The following TNR variants were observed in gnomAD, a reference collection of about 807,000 sequenced individuals.
TNR encodes the protein tenascin-R.
A neutral mutation model predicts 150.4 loss-of-function variants in TNR; 45 were observed. The observed-to-expected ratio is 0.30, with a 90% CI of 0.24 to 0.38. The LOEUF (loss-of-function observed/expected upper bound fraction) is 0.38. Among genes scored for constraint, TNR ranks in the 10% least tolerant of loss-of-function variants. TNR has a pLI of 1.00. For missense variants in TNR, 1,544 were observed against 1,759.1 expected, an observed-to-expected ratio of 0.88 and a Z score of 2.19; for synonymous variants, 687 against 678.4, an observed-to-expected ratio of 1.01 and a Z score of -0.20.
intron 1 of TNR, among the ~76,000 whole-genome samples, chr1:175,551,076 G>T (rs1484943775): frequency 6.6e-6 from 1 of 152,260 alleles, no homozygotes; most frequent in Admixed American, 6.5e-5. Context: ...AAAGAAAATG[G>T]TTGAGTGAAA....
intron 1 of TNR, among the ~76,000 whole-genome samples, chr1:175,636,097 T>C (rs572634131): frequency 1.3e-5 from 2 of 152,150 alleles, no homozygotes; most frequent in Non-Finnish European, 2.9e-5. Context: ...ATCATCCTTA[T>C]GTTATTTCCC....
intron 1 of TNR, among the ~76,000 whole-genome samples, chr1:175,534,985 G>A (rs1394281899): frequency 6.6e-6 from 1 of 152,164 alleles, no homozygotes; most frequent in Admixed American, 6.5e-5. Flanking sequence ...AGAAGGACAT[G>A]TTTCCTTCCC....
At chr1:175,735,882 A>G (rs1254306129) in intron 1 of TNR, among the ~76,000 whole-genome samples, 1 of 152,228 alleles carries the variant, frequency 6.6e-6, no homozygotes, top group African/African-American at 2.4e-5. Context: ...TACAATTTCA[A>G]GGTAATTAAT....
At chr1:175,416,077 G>T (rs1293714266) in intron 2 of TNR, among the ~76,000 whole-genome samples, 1 of 151,858 alleles carries the variant, frequency 6.6e-6, no homozygotes, top group Non-Finnish European at 1.5e-5. Flanking sequence ...ATTTTTATAG[G>T]CTACAGAGAA....
chr1:175,409,094 A>T (rs2859038), intron 2 of TNR, among the ~76,000 whole-genome samples: 121,359 of 151,840 alleles, frequency 0.8, 48,571 homozygotes, highest in East Asian at 0.9. Context: ...CACTTTCAGG[A>T]TCCCTAGGCG....
chr1:175,481,331 T>A (rs1416419746), intron 2 of TNR, among the ~76,000 whole-genome samples: 1 of 152,246 alleles, frequency 6.6e-6, no homozygotes, highest in Non-Finnish European at 1.5e-5. Flanking sequence ...TGTTAACATT[T>A]TCCAACATCT....
intron 2 of TNR, among the ~76,000 whole-genome samples, chr1:175,493,229 C>T (rs1422619004): frequency 1.3e-5 from 2 of 152,156 alleles, no homozygotes; most frequent in Non-Finnish European, 2.9e-5. Context: ...GGTATTAATG[C>T]CACATTCTGT....
At position 175,322,511 on chromosome 1, in the gene TNR, C is replaced by G. The variant is rs928162234; in HGVS notation, c.*846G>C. On this transcript the variant is annotated 3_prime_UTR_variant, in exon 23 of 23. Coordinates refer to ENST00000367674, the MANE Select transcript of TNR (RefSeq NM_003285.3). ...AAGGACTTGGGGCTGGATGCAGTGGCTGTAGCCTGTAATCCCAGCATTTTG... is the reference window on the plus strand; with the variant it reads ...AAGGACTTGGGGCTGGATGCAGTGGGTGTAGCCTGTAATCCCAGCATTTTG... The G allele has an allele frequency of 5.3e-5, 8 of 152,272 alleles. No individual in the cohort carries two copies. The highest frequency in any genetic ancestry group is 1.9e-4 in the African/African-American group (8 of 41,428). The allele number at this position is 152,272 out of a possible 1,614,324, so 9.4% of individuals were successfully genotyped here.
intron 1 of TNR, among the ~76,000 whole-genome samples, chr1:175,739,511 C>G (rs1667866097): frequency 6.6e-6 from 1 of 152,044 alleles, no homozygotes; most frequent in Admixed American, 6.6e-5. Context: ...CACACACACA[C>G]ACGCACGCAC....
chr1:175,539,568 T>C (rs572233224), intron 1 of TNR, among the ~76,000 whole-genome samples: 5 of 152,288 alleles, frequency 3.3e-5, no homozygotes, highest in African/African-American at 1.2e-4. Context: ...GAAGGTCTCA[T>C]GACCTAGGAT....
chr1:175,523,414 T>C (rs1253170419), intron 2 of TNR, among the ~76,000 whole-genome samples: 1 of 152,244 alleles, frequency 6.6e-6, no homozygotes, highest in African/African-American at 2.4e-5. Flanking sequence ...AAATAACCTT[T>C]TCTTCGGCTC....
chr1:175,463,429 A>C (rs77706485), intron 2 of TNR, among the ~76,000 whole-genome samples: 3,254 of 152,310 alleles, frequency 0.021, 64 homozygotes, highest in Non-Finnish European at 0.028. Flanking sequence ...TTTAGCAGTT[A>C]AATGCAACAT....
chr1:175,406,468 G>T lies in TNR; in HGVS notation c.247C>A (p.Leu83Ile). ...VPLDNLCSSG[L>I]EASAEQEVSA... Reference sequence around the variant, plus strand: ...ACCTCCTGCTCAGCAGAGGCCTCTAGCCCTGAGGAGCAGAGGTTGTCCAAG... The same window carrying T: ...ACCTCCTGCTCAGCAGAGGCCTCTATCCCTGAGGAGCAGAGGTTGTCCAAG... The change falls in exon 3 of 23, where the codon CTA becomes ATA. Residue 83 changes from leucine to isoleucine, a missense_variant. Around this residue, in one of 2 missense-constraint regions of TNR, gnomAD observed 1,254 missense variants for 1,329.4 expected, o/e 0.94. Coordinates refer to ENST00000367674, the MANE Select transcript of TNR (RefSeq NM_003285.3). 6.2e-7 allele frequency: 1 copy of T among 1,614,182 alleles called. No individual in the cohort carries two copies. The highest frequency in any genetic ancestry group is 8.5e-7 in the Non-Finnish European group (1 of 1,180,040).
chr1:175,578,568 G>A (rs909139106), intron 1 of TNR, among the ~76,000 whole-genome samples: 1 of 152,186 alleles, frequency 6.6e-6, no homozygotes, highest in East Asian at 1.9e-4. Flanking sequence ...AGTGGGGAGA[G>A]AGATGAATGA....
chr1:175,519,080 G>T (rs1350619378), intron 2 of TNR, among the ~76,000 whole-genome samples: 1 of 152,024 alleles, frequency 6.6e-6, no homozygotes, highest in Non-Finnish European at 1.5e-5. Context: ...TATTGCCATT[G>T]TCACTCTTAT....
At position 175,406,530 on chromosome 1, in the gene TNR, G is replaced by T. The variant is rs766116033; in HGVS notation, c.185C>A (p.Pro62His). Residue 62 changes from proline to histidine, a missense_variant, in exon 3 of 23, where the codon CCT becomes CAT. Physicochemically the swap from Pro to His is moderately conservative, Grantham distance 77. Transcript: ENST00000367674. ...GTTGTACACGTGGTTGAAGACCACA[G>T]GCTGCTCTTTGCTGGATGTGTTGTA... ...ANYNTSSKEQ[P>H]VVFNHVYNIN... 2 of 1,614,216 alleles carry T rather than the reference G, an allele frequency of 1.2e-6. No individual in the cohort carries two copies. Among genetic ancestry groups the T allele is most frequent in the South Asian group, 1.1e-5 (1 of 91,084 alleles).
intron 2 of TNR, among the ~76,000 whole-genome samples, chr1:175,433,242 T>C (rs756730876): frequency 6.6e-6 from 1 of 152,228 alleles, no homozygotes; most frequent in Non-Finnish European, 1.5e-5. Context: ...TGTTAAGCCA[T>C]TGATACCTCC....
chr1:175,508,783 G>A (rs1452880848), intron 2 of TNR, among the ~76,000 whole-genome samples: 1 of 152,222 alleles, frequency 6.6e-6, no homozygotes, highest in Non-Finnish European at 1.5e-5. Flanking sequence ...CAGATTCCTG[G>A]CCCTCAGAAA....
At chr1:175,642,262 G>A (rs554005298) in intron 1 of TNR, among the ~76,000 whole-genome samples, 9 of 152,278 alleles carry the variant, frequency 5.9e-5, no homozygotes, top group South Asian at 4.1e-4. Flanking sequence ...ATACACACAC[G>A]TGCTATGTGT....
Sources: allele counts gnomAD v4.1 joint callset (sites outside exome capture counted in the v4.1 genomes callset), GRCh38; gene constraint gnomAD v4.1.1; regional missense constraint gnomAD v4.1.1; transcripts MANE v1.5; gene names NCBI Gene and HGNC (gene_info 2026-07-23, HGNC 2026-07-21).